Variants in MACROD1 observed in about 807,000 individuals in gnomAD.
MACROD1 encodes ADP-ribose glycohydrolase MACROD1.
Under a neutral mutation model 41.4 loss-of-function variants are expected in MACROD1, and 31 were observed. That is an observed-to-expected ratio of 0.75 (90% CI 0.56 to 1.01). The LOEUF is 1.01. Among genes scored for constraint, MACROD1 ranks in the 50% least tolerant of loss-of-function variants. The pLI, the probability that MACROD1 is intolerant of heterozygous loss-of-function variation, is 0.00. For missense variants in MACROD1, 473 were observed against 460.0 expected, an observed-to-expected ratio of 1.03 and a Z score of -0.26; for synonymous variants, 252 against 203.4, an observed-to-expected ratio of 1.24 and a Z score of -2.03.
intron 3 of MACROD1, among the ~76,000 whole-genome samples, chr11:64,127,143 CCTT>C (rs950020345): frequency 4.6e-5 from 7 of 152,230 alleles, no homozygotes; most frequent in African/African-American, 1.2e-4. Context: ...CCTTTGGCCT[CCTT>C]CTTGTAGGTG....
At chr11:64,079,349 TAA>T (rs1238224979) in intron 3 of MACROD1, among the ~76,000 whole-genome samples, 2 of 146,616 alleles carry the variant, frequency 1.4e-5, no homozygotes, top group Admixed American at 1.4e-4. Context: ...AGGTTACGGT[TAA>T]AGGGGAGACA....
At chr11:64,080,596 T>C (rs1484745459) in intron 3 of MACROD1, among the ~76,000 whole-genome samples, 1 of 152,212 alleles carries the variant, frequency 6.6e-6, no homozygotes, top group African/African-American at 2.4e-5. Flanking sequence ...GCTCAACACG[T>C]AGGCGTTCAG....
intron 3 of MACROD1, among the ~76,000 whole-genome samples, chr11:64,143,146 G>A (rs1945437655): frequency 6.7e-6 from 1 of 149,564 alleles, no homozygotes; most frequent in Admixed American, 6.7e-5. Flanking sequence ...GAGGGAGGGA[G>A]GGAGGAAAGG....
At chr11:64,124,356 T>C (rs1945145525) in intron 3 of MACROD1, among the ~76,000 whole-genome samples, 1 of 152,238 alleles carries the variant, frequency 6.6e-6, no homozygotes, top group Non-Finnish European at 1.5e-5. Flanking sequence ...CTGCTGCCAC[T>C]GTATCTATCC....
intron 3 of MACROD1, among the ~76,000 whole-genome samples, chr11:64,130,376 T>C (rs1368985778): frequency 6.6e-6 from 1 of 152,204 alleles, no homozygotes; most frequent in Non-Finnish European, 1.5e-5. Context: ...GCTGCTTTCC[T>C]GTACCTGGAA....
At chr11:64,087,163 A>T (rs1944409534) in intron 3 of MACROD1, 1 of 152,206 alleles carries the variant, frequency 6.6e-6, no homozygotes, top group Admixed American at 6.5e-5. Flanking sequence ...CATTAAAATA[A>T]ATGACGGCAC....
At chr11:64,065,666 T>G (rs189222621) in intron 3 of MACROD1, among the ~76,000 whole-genome samples, 5 of 152,002 alleles carry the variant, frequency 3.3e-5, no homozygotes, top group Non-Finnish European at 5.9e-5. Context: ...GGCGGCCGCC[T>G]GTAGTCCCAG....
intron 3 of MACROD1, chr11:64,138,466 G>A (rs1192429699): frequency 2.1e-6 from 2 of 972,416 alleles, no homozygotes; most frequent in East Asian, 1.1e-4. Flanking sequence ...TAATGTTCCT[G>A]TTTCTCCTCA....
intron 3 of MACROD1, among the ~76,000 whole-genome samples, chr11:64,073,830 A>G (rs1022943416): frequency 2.6e-5 from 4 of 152,068 alleles, no homozygotes; most frequent in Non-Finnish European, 5.9e-5. Context: ...AGGGGGGCCC[A>G]CAGCCCCCAG....
chr11:64,053,743 G>T (rs1372749710), intron 3 of MACROD1, among the ~76,000 whole-genome samples: 1 of 152,166 alleles, frequency 6.6e-6, no homozygotes, highest in Non-Finnish European at 1.5e-5. Flanking sequence ...CGCTCTCTGG[G>T]ACTGCTGGGC....
At chr11:64,037,972 C>G (rs1202474060) in intron 3 of MACROD1, among the ~76,000 whole-genome samples, 1 of 152,202 alleles carries the variant, frequency 6.6e-6, no homozygotes, top group East Asian at 1.9e-4. Context: ...CTGGAGGATT[C>G]TCAAGGGCTG....
intron 3 of MACROD1, among the ~76,000 whole-genome samples, chr11:64,058,994 G>A (rs1023214212): frequency 6.6e-6 from 1 of 152,198 alleles, no homozygotes; most frequent in Admixed American, 6.5e-5. Flanking sequence ...CAAAACAGGG[G>A]CTCACTGTCT....
At chr11:64,095,793 C>T (rs1944565457) in intron 3 of MACROD1, among the ~76,000 whole-genome samples, 1 of 152,176 alleles carries the variant, frequency 6.6e-6, no homozygotes, top group Non-Finnish European at 1.5e-5. Flanking sequence ...GAGCAGGGGG[C>T]TCCTGAAATA....
chr11:64,084,852 G>A (rs527720187), intron 3 of MACROD1, among the ~76,000 whole-genome samples: 2 of 152,296 alleles, frequency 1.3e-5, no homozygotes, highest in Non-Finnish European at 2.9e-5. Flanking sequence ...CGGGAGGGGC[G>A]CAAGACCACA....
intron 3 of MACROD1, among the ~76,000 whole-genome samples, chr11:64,021,725 G>A (rs948342018): frequency 1.3e-5 from 2 of 151,952 alleles, no homozygotes; most frequent in African/African-American, 4.8e-5. Flanking sequence ...TTCCCCTTGT[G>A]AGCCGGATCT....
intron 3 of MACROD1, among the ~76,000 whole-genome samples, chr11:64,057,672 G>A (rs553280486): frequency 2.2e-4 from 33 of 152,218 alleles, no homozygotes; most frequent in Non-Finnish European, 4.0e-4. Flanking sequence ...AGGGTCCCCA[G>A]GGTGTCTGCT....
chr11:64,097,717 C>G (rs1056471552), intron 3 of MACROD1, among the ~76,000 whole-genome samples: 2 of 152,226 alleles, frequency 1.3e-5, no homozygotes, highest in Non-Finnish European at 2.9e-5. Context: ...TGCCATGCAG[C>G]GGTGCCAAGC....
chr11:64,162,365 T>C (rs541670540), intron 1 of MACROD1, among the ~76,000 whole-genome samples: 2 of 151,842 alleles, frequency 1.3e-5, no homozygotes, highest in African/African-American at 2.4e-5. Context: ...TAGTTGCACA[T>C]GGTGATGCGC....
intron 3 of MACROD1, among the ~76,000 whole-genome samples, chr11:64,021,340 A>C (rs1019896912): frequency 2.0e-5 from 3 of 152,150 alleles, no homozygotes; most frequent in Non-Finnish European, 4.4e-5. Context: ...CAGAGCCACG[A>C]AGGTGCTCAG....
Sources: allele counts gnomAD v4.1 joint callset (sites outside exome capture counted in the v4.1 genomes callset), GRCh38; gene constraint gnomAD v4.1.1; transcripts MANE v1.5; gene names NCBI Gene and HGNC (gene_info 2026-07-23, HGNC 2026-07-21).